The following NXPH1 variants were observed in gnomAD, a reference collection of about 807,000 sequenced individuals.
NXPH1 encodes the protein neurexophilin 1.
A neutral mutation model predicts 23.7 loss-of-function variants in NXPH1; 5 were observed. That is an observed-to-expected ratio of 0.21 (90% confidence interval 0.11 to 0.44). The LOEUF (loss-of-function observed/expected upper bound fraction) is 0.44, where lower values mean the gene tolerates loss of function less well. NXPH1 is among the 20% of genes least tolerant of loss of function. NXPH1 has a pLI of 0.99. For synonymous variants in NXPH1, 144 were observed against 122.2 expected (o/e 1.18, Z -1.18); for missense variants, 324 against 321.6 (o/e 1.01, Z -0.06).
At chr7:8,614,988 G>A (rs1327146645) in intron 2 of NXPH1, among the ~76,000 whole-genome samples, 1 of 151,996 alleles carries the variant, frequency 6.6e-6, no homozygotes, top group Non-Finnish European at 1.5e-5. Flanking sequence ...TTTTAATTCT[G>A]CAGCAAATAC....
intron 2 of NXPH1, among the ~76,000 whole-genome samples, chr7:8,655,400 TTC>T (rs869162322): frequency 0.22 from 9,171 of 41,584 alleles, 336 homozygotes; most frequent in Admixed American, 0.25. Flanking sequence ...GTCTTTGTCT[TTC>T]TCTCTCTCTC....
At chr7:8,685,687 G>A (rs924810293) in intron 2 of NXPH1, among the ~76,000 whole-genome samples, 1 of 151,922 alleles carries the variant, frequency 6.6e-6, no homozygotes, top group African/African-American at 2.4e-5. Context: ...CCTCCAAACT[G>A]TTCTCCACAG....
chr7:8,538,026 C>CA (rs1818055758), intron 2 of NXPH1, among the ~76,000 whole-genome samples: 1 of 151,788 alleles, frequency 6.6e-6, no homozygotes, highest in Non-Finnish European at 1.5e-5. Context: ...ATAGTTACAG[C>CA]AATGATGATT....
Position 8,710,836 on chromosome 7 carries a change from G to T in NXPH1, c.55-40172G>T, listed in dbSNP as rs1182697528. On this transcript the variant is annotated intron_variant, in intron 2 of 2. Transcript: ENST00000405863. ...CGCCACCGCGCCCGGCTAATTTTTT[G>T]TATTTTTAGTAGAGACGGGGTTTCA... Among the ~76,000 whole-genome samples the T allele has an allele frequency of 3.0e-5, 4 of 134,818 alleles. 1 individual carries two copies. The highest frequency in any genetic ancestry group is 1.3e-4 in the African/African-American group (4 of 30,894). The allele number at this position is 134,818 out of a possible 152,430, so 88.4% of individuals were successfully genotyped here.
At chr7:8,474,826 C>G (rs969538302) in intron 2 of NXPH1, among the ~76,000 whole-genome samples, 5 of 152,118 alleles carry the variant, frequency 3.3e-5, no homozygotes, top group African/African-American at 7.2e-5. Flanking sequence ...TTATCCACTT[C>G]CCACTGGCTT....
chr7:8,552,370 A>AT (rs967241619), intron 2 of NXPH1, among the ~76,000 whole-genome samples: 14 of 150,972 alleles, frequency 9.3e-5, no homozygotes, highest in East Asian at 5.9e-4. Context: ...GGCTGTCTTA[A>AT]TTTTTTTTTC....
At chr7:8,449,792 T>C (rs1019182561) in intron 2 of NXPH1, among the ~76,000 whole-genome samples, 2 of 152,224 alleles carry the variant, frequency 1.3e-5, no homozygotes, top group Admixed American at 1.3e-4. Flanking sequence ...TTTGGGCAGA[T>C]CTTATTTGGG....
At chr7:8,611,317 C>T (rs947439056) in intron 2 of NXPH1, among the ~76,000 whole-genome samples, 4 of 152,146 alleles carry the variant, frequency 2.6e-5, no homozygotes, top group South Asian at 2.1e-4. Flanking sequence ...TTTTCAATTA[C>T]CTCTGTCTTC....
chr7:8,633,942 G>T (rs1447407481), intron 2 of NXPH1, among the ~76,000 whole-genome samples: 1 of 152,134 alleles, frequency 6.6e-6, no homozygotes, highest in Non-Finnish European at 1.5e-5. Context: ...CCTTATTTAT[G>T]AAAACACCTT....
intron 2 of NXPH1, among the ~76,000 whole-genome samples, chr7:8,449,235 C>T (rs1001506083): frequency 2.0e-5 from 3 of 152,200 alleles, no homozygotes; most frequent in African/African-American, 7.2e-5. Flanking sequence ...GCCACAGTAT[C>T]CCTCTCATAT....
At chr7:8,488,433 T>C (rs10486228) in intron 2 of NXPH1, among the ~76,000 whole-genome samples, 27,621 of 152,068 alleles carry the variant, frequency 0.18, 3,444 homozygotes, top group East Asian at 0.61. Context: ...AGAGATTAAA[T>C]TGATTAAGTG....
intron 2 of NXPH1, among the ~76,000 whole-genome samples, chr7:8,578,884 G>T (rs1028038708): frequency 6.6e-6 from 1 of 152,198 alleles, no homozygotes; most frequent in Non-Finnish European, 1.5e-5. Context: ...AAGTGTGGTA[G>T]GTAAAGATGA....
At position 8,434,622 on chromosome 7, in the gene NXPH1, C is replaced by A. The variant is rs1816155960; in HGVS notation, c.-244C>A. 1 of 152,754 alleles carries A rather than the reference C, an allele frequency of 6.5e-6. No homozygotes were observed. The highest frequency in any genetic ancestry group is 1.5e-5 in the Non-Finnish European group (1 of 68,100). The allele number at this position is 152,754 out of a possible 1,614,324, so 9.5% of individuals were successfully genotyped here. On this transcript the variant is annotated 5_prime_UTR_variant, in exon 1 of 3. It adds an upstream start codon to the 5' untranslated region. Transcript: ENST00000405863. The surrounding 1 kb of genome is among the most constrained non-coding windows in gnomAD (Gnocchi z 7.6). ...AGCTGGACGAGGCAGCCGGACCCGT[C>A]TGCGCTCGAGCATGGAGACGGAGCG... is the stretch of plus-strand genomic sequence containing the variant.
intron 2 of NXPH1, among the ~76,000 whole-genome samples, chr7:8,597,643 A>C (rs1208009293): frequency 7.0e-6 from 1 of 142,988 alleles, no homozygotes; most frequent in African/African-American, 2.6e-5. Context: ...GAATTAGAAG[A>C]CTGAGTAAAT....
At chr7:8,724,585 T>C (rs530404162) in intron 2 of NXPH1, among the ~76,000 whole-genome samples, 219 of 152,344 alleles carry the variant, frequency 1.4e-3, no homozygotes, top group African/African-American at 4.7e-3. Context: ...TCTTACAGCA[T>C]CTCTAGTCAT....
At chr7:8,622,117 T>C (rs1819888650) in intron 2 of NXPH1, among the ~76,000 whole-genome samples, 1 of 152,232 alleles carries the variant, frequency 6.6e-6, no homozygotes, top group South Asian at 2.1e-4. Flanking sequence ...AGAAAGCCTC[T>C]ATTTTACCAT....
intron 2 of NXPH1, among the ~76,000 whole-genome samples, chr7:8,664,340 G>T (rs80349597): frequency 0.014 from 2,065 of 152,034 alleles, 38 homozygotes; most frequent in African/African-American, 0.046. Flanking sequence ...AAAGTAATCT[G>T]CACAAAGCAC....
At chr7:8,579,370 TTTTTTG>T (rs1818821232) in intron 2 of NXPH1, among the ~76,000 whole-genome samples, 1 of 124,744 alleles carries the variant, frequency 8.0e-6, no homozygotes, top group Non-Finnish European at 1.6e-5. Flanking sequence ...TTTGTTTTTT[TTTTTTG>T]TTTTGTTTTT....
At chr7:8,617,748 AT>A (rs1819776707) in intron 2 of NXPH1, among the ~76,000 whole-genome samples, 1 of 152,158 alleles carries the variant, frequency 6.6e-6, no homozygotes, top group Non-Finnish European at 1.5e-5. Context: ...CAGGGTGACT[AT>A]AGTCAATAAT....
Sources: allele counts gnomAD v4.1 joint callset (sites outside exome capture counted in the v4.1 genomes callset), GRCh38; gene constraint gnomAD v4.1.1; non-coding constraint Gnocchi (gnomAD v3.1); transcripts MANE v1.5; gene names NCBI Gene and HGNC (gene_info 2026-07-23, HGNC 2026-07-21).